CCDC149: variants seen among roughly 807,000 people sequenced by gnomAD.
The protein encoded by CCDC149 is coiled-coil domain-containing protein 149.
In CCDC149, 45 loss-of-function variants were observed where a neutral mutation model predicts 59.9. The observed-to-expected ratio is 0.75, with a 90% CI of 0.59 to 0.96. CCDC149 has a LOEUF of 0.96. Among genes scored for constraint, CCDC149 ranks in the 40% least tolerant of loss-of-function variants. The probability of loss-of-function intolerance (pLI) is 0.00; values close to 1 mark genes in which losing one functional copy is unlikely to be tolerated. For missense variants in CCDC149, 584 were observed against 664.7 expected (o/e 0.88, Z 1.33); for synonymous variants, 245 against 260.6 (o/e 0.94, Z 0.58).
intron 1 of CCDC149, among the ~76,000 whole-genome samples, chr4:24,886,025 T>A (rs1720157761): frequency 6.6e-6 from 1 of 152,202 alleles, no homozygotes; most frequent in Admixed American, 6.5e-5. Flanking sequence ...AAATAGGTTG[T>A]AAGATTAGTC....
downstream of CCDC149, among the ~76,000 whole-genome samples, chr4:24,805,266 A>G (rs1029408997): frequency 1.3e-5 from 2 of 152,164 alleles, no homozygotes; most frequent in African/African-American, 4.8e-5. Context: ...CCGGAAAAAT[A>G]ATGGAAGGAC....
chr4:24,845,989 C>T (rs1717262739), intron 4 of CCDC149, among the ~76,000 whole-genome samples: 1 of 152,178 alleles, frequency 6.6e-6, no homozygotes, highest in Non-Finnish European at 1.5e-5. Context: ...AAGTCTTGGG[C>T]AGAGATATCT....
chr4:24,824,963 T>G (rs1463007868), intron 9 of CCDC149, among the ~76,000 whole-genome samples: 1 of 152,208 alleles, frequency 6.6e-6, no homozygotes, highest in Non-Finnish European at 1.5e-5. Context: ...CTCTGTTAGC[T>G]TCACACTGAA....
At chr4:24,950,153 G>A (rs983820066) in intron 1 of CCDC149, among the ~76,000 whole-genome samples, 1 of 152,222 alleles carries the variant, frequency 6.6e-6, no homozygotes, top group African/African-American at 2.4e-5. Context: ...CTCATGAGGT[G>A]GCAGAGAGAG....
At chr4:24,906,240 G>A (rs1208809912) in intron 1 of CCDC149, among the ~76,000 whole-genome samples, 1 of 151,936 alleles carries the variant, frequency 6.6e-6, no homozygotes, top group African/African-American at 2.4e-5. Context: ...CCAATTCCCT[G>A]GACCCAGCCT....
intron 1 of CCDC149, among the ~76,000 whole-genome samples, chr4:24,910,608 A>C (rs1007830945): frequency 9.2e-5 from 14 of 152,236 alleles, no homozygotes; most frequent in Admixed American, 6.5e-5. Context: ...CTCAAAGTTG[A>C]ATCAGACATG....
intron 3 of CCDC149, among the ~76,000 whole-genome samples, chr4:24,863,138 T>C (rs1577423093): frequency 6.6e-6 from 1 of 151,850 alleles, no homozygotes; most frequent in East Asian, 1.9e-4. Context: ...ATTAAAAATA[T>C]AAAAATTAGC....
chr4:24,864,715 GACAGTT>G lies in CCDC149; in HGVS notation c.264+8960_264+8965del, dbSNP rs1560224828. ...GGCAGTGAGCAAAATGAACCTACTG[GACAGTT>G]ACAAAGTCATCCCAAATCTTCAGAA... On this transcript the variant is annotated intron_variant, in intron 3 of 12. Transcript: ENST00000635206. Among the ~76,000 whole-genome samples, 3 of 152,118 alleles carry G rather than the reference GACAGTT, an allele frequency of 2.0e-5. 1 individual carries two copies. The highest frequency in any genetic ancestry group is 6.5e-5 in the Admixed American group (1 of 15,272).
chr4:24,953,256 G>T (rs558731286), intron 1 of CCDC149, among the ~76,000 whole-genome samples: 4 of 152,144 alleles, frequency 2.6e-5, no homozygotes, highest in Admixed American at 1.3e-4. Flanking sequence ...GGAGGATGGG[G>T]CCCTTTTTGC....
In CCDC149 at chr4:24,831,473, C is replaced by T. The variant is rs759477267; in HGVS notation, c.965+33G>A. 166 of 1,609,990 alleles carry T rather than the reference C, an allele frequency of 1.0e-4. 3 individuals carry two copies. In the South Asian group the frequency reaches 1.6e-3, roughly 16 times the overall value. ...GTAGCCTCGTCCCACTTCCTTCGCG[C>T]CCACCCCCCAACACAAGAGTTTGGC... is the stretch of plus-strand genomic sequence containing the variant. On this transcript the variant is annotated intron_variant, in intron 9 of 12. Transcript: ENST00000635206.
chr4:24,959,361 G>T (rs1231451500), intron 1 of CCDC149, among the ~76,000 whole-genome samples: 1 of 152,098 alleles, frequency 6.6e-6, no homozygotes, highest in African/African-American at 2.4e-5. Context: ...CTCAGTTCTG[G>T]GTTGGTCTCT....
chr4:24,813,603 G>A (rs959475070), intron 12 of CCDC149, among the ~76,000 whole-genome samples: 1 of 150,134 alleles, frequency 6.7e-6, no homozygotes, highest in Non-Finnish European at 1.5e-5. Context: ...GTGTAACAAT[G>A]TTCCTACATC....
chr4:24,922,224 C>T (rs575731561), intron 1 of CCDC149, among the ~76,000 whole-genome samples: 21 of 152,276 alleles, frequency 1.4e-4, no homozygotes, highest in Non-Finnish European at 2.8e-4. Context: ...GGGCACAATC[C>T]AGCCCTTACA....
At chr4:24,883,203 CTT>C (rs34694471) in intron 1 of CCDC149, among the ~76,000 whole-genome samples, 62,336 of 147,328 alleles carry the variant, frequency 0.42, 14,101 homozygotes, top group Non-Finnish European at 0.52. Context: ...GTTTTCTTTT[CTT>C]TTTTTTTTTT....
chr4:24,841,263 T>A (rs144235934), intron 4 of CCDC149, among the ~76,000 whole-genome samples: 33 of 152,336 alleles, frequency 2.2e-4, no homozygotes, highest in Non-Finnish European at 4.3e-4. Context: ...CAGCCTGAAC[T>A]TTAAGTTATA....
chr4:24,920,383 C>A (rs755041168), intron 1 of CCDC149, among the ~76,000 whole-genome samples: 3 of 152,210 alleles, frequency 2.0e-5, no homozygotes, highest in Non-Finnish European at 2.9e-5. Flanking sequence ...TCATGCTGGG[C>A]TCCCTACAAC....
upstream of CCDC149, among the ~76,000 whole-genome samples, chr4:24,913,124 C>G (rs1008947797): frequency 6.6e-6 from 1 of 150,886 alleles, no homozygotes; most frequent in East Asian, 1.9e-4. Flanking sequence ...CCGGGCCCGC[C>G]CCGCGCCCTC....
chr4:24,960,385 C>T (rs750096952), intron 1 of CCDC149, among the ~76,000 whole-genome samples: 1 of 151,778 alleles, frequency 6.6e-6, no homozygotes, highest in Non-Finnish European at 1.5e-5. Flanking sequence ...ATACTCAGTC[C>T]CAAAGAAGAC....
At chr4:24,908,130 T>C (rs1279688757) in intron 1 of CCDC149, among the ~76,000 whole-genome samples, 1 of 152,210 alleles carries the variant, frequency 6.6e-6, no homozygotes, top group African/African-American at 2.4e-5. Flanking sequence ...CACAGGTGTT[T>C]GTGTGGTGGC....
Sources: gnomAD v4.1 joint callset for allele counts (sites outside exome capture counted in the v4.1 genomes callset) on GRCh38, gnomAD v4.1.1 for gene constraint, MANE v1.5 for transcripts, NCBI Gene and HGNC (gene_info 2026-07-23, HGNC 2026-07-21) for gene names.